GLYATL2: variants seen among roughly 807,000 people sequenced by gnomAD.
GLYATL2 encodes glycine-N-acyltransferase like 2, also known as glycine N-acyltransferase-like protein 2.
Under a neutral mutation model 21.4 loss-of-function variants are expected in GLYATL2, and 25 were observed. That is an observed-to-expected ratio of 1.17 (90% CI 0.85 to 1.63). The LOEUF (loss-of-function observed/expected upper bound fraction) is 1.63, where lower values mean the gene tolerates loss of function less well. GLYATL2 is among the 40% of genes most tolerant of loss of function. GLYATL2 has a pLI of 0.00. For synonymous variants in GLYATL2, 114 were observed against 118.2 expected (o/e 0.96, Z 0.23); for missense variants, 361 against 343.3 (o/e 1.05, Z -0.41).
chr11:58,880,832 A>G (rs1380946800), intron 1 of GLYATL2, among the ~76,000 whole-genome samples: 2 of 152,240 alleles, frequency 1.3e-5, no homozygotes, highest in Non-Finnish European at 2.9e-5. Context: ...TCACCTAGCT[A>G]CAGAACGTAG....
At chr11:58,840,461 T>C (rs916183699) in intron 1 of GLYATL2, among the ~76,000 whole-genome samples, 4 of 152,174 alleles carry the variant, frequency 2.6e-5, no homozygotes, top group Non-Finnish European at 5.9e-5. Context: ...ACTATCAAAA[T>C]GATGTCTTTG....
intron 1 of GLYATL2, among the ~76,000 whole-genome samples, chr11:58,841,469 T>C (rs1853552071): frequency 6.6e-6 from 1 of 152,162 alleles, no homozygotes; most frequent in Non-Finnish European, 1.5e-5. Context: ...TGTGAAGTGT[T>C]TAGCATGGTG....
chr11:58,878,716 T>C (rs1407292065), intron 1 of GLYATL2, among the ~76,000 whole-genome samples: 3 of 152,086 alleles, frequency 2.0e-5, no homozygotes, highest in African/African-American at 4.8e-5. Context: ...AACCTGAGAG[T>C]AAAGCCAGTA....
In GLYATL2 at chr11:58,834,788, C is replaced by G. The variant is rs199566288; in HGVS notation, c.526G>C (p.Val176Leu). The change falls in exon 6 of 6, where the codon GTG becomes CTG. Residue 176 changes from valine to leucine, a missense_variant. Val to Leu is a conservative substitution (Grantham distance 32). Coordinates refer to ENST00000287275, the MANE Select transcript of GLYATL2 (RefSeq NM_145016.4). ...MFLDASHAGLVNEHWAFGKNE... is the reference protein window; with the variant it reads ...MFLDASHAGLLNEHWAFGKNE... The stretch of plus-strand genomic sequence containing the variant: ...TTCCCAAAGGCCCAGTGTTCATTCA[C>G]AAGACCTGCATGTGAAGCATCTAAG... The G allele has an allele frequency of 3.2e-4, 512 of 1,612,636 alleles. 1 individual carries two copies. The African/African-American group carries it at 5.2e-3, about 17-fold the overall frequency.
rs370069554 is a variant in GLYATL2, at chr11:58,857,667, GCT to G, written n.61-19301_61-19300del. Among the ~76,000 whole-genome samples the G allele has an allele frequency of 1.7e-3, 253 of 152,146 alleles. 4 individuals are homozygous for G. Among genetic ancestry groups the G allele is most frequent in the African/African-American group, 5.8e-3 (240 of 41,518 alleles). On this transcript the variant is annotated intron_variant and non_coding_transcript_variant, in intron 1 of 4. Transcript: ENST00000533636. ...TCCAAAACAGCAATAAGGCCATTTT[GCT>G]CTTTCATCATTCATGTTGTCACTGG...
chr11:58,866,924 G>T (rs982136615), intron 1 of GLYATL2, among the ~76,000 whole-genome samples: 9 of 149,340 alleles, frequency 6.0e-5, no homozygotes, highest in Admixed American at 1.4e-4. Flanking sequence ...AGGTGCCAAT[G>T]GCTATCAGAT....
intron 1 of GLYATL2, among the ~76,000 whole-genome samples, chr11:58,877,341 G>A (rs761731939): frequency 2.0e-5 from 3 of 152,348 alleles, no homozygotes; most frequent in Admixed American, 6.5e-5. Context: ...TGGAAATGCA[G>A]AAATCATCCA....
At chr11:58,848,898 G>T (rs530498204), upstream of GLYATL2, among the ~76,000 whole-genome samples, 4 of 151,992 alleles carry the variant, frequency 2.6e-5, no homozygotes, top group African/African-American at 9.7e-5. Flanking sequence ...CTATCTCAAG[G>T]CATTTAAAAT....
Position 58,868,992 on chromosome 11 carries a change from T to A in GLYATL2, n.61-30624A>T, listed in dbSNP as rs542058054. On this transcript the variant is annotated intron_variant and non_coding_transcript_variant, in intron 1 of 4. Transcript: ENST00000533636. ...TTGGGGAGTTGTTCGTCATTTTGTG[T>A]GTGTCCAGGCAAGTGAGTGTCTTTT... Among the ~76,000 whole-genome samples the A allele has an allele frequency of 2.3e-5, 3 of 131,262 alleles. No individual in the cohort carries two copies. In the South Asian group the frequency reaches 7.3e-4, roughly 32 times the overall value. The allele number at this position is 131,262 out of a possible 152,430, so 86.1% of individuals were successfully genotyped here.
intron 1 of GLYATL2, among the ~76,000 whole-genome samples, chr11:58,884,061 T>C (rs623756): frequency 0.95 from 144,870 of 152,204 alleles, 69,360 homozygotes; most frequent in East Asian, 1. Flanking sequence ...ATTGATGGGA[T>C]GAATCTCAAA....
At chr11:58,859,380 AAG>A (rs1853891479) in intron 1 of GLYATL2, among the ~76,000 whole-genome samples, 1 of 152,028 alleles carries the variant, frequency 6.6e-6, no homozygotes, top group South Asian at 2.1e-4. Context: ...TAGAGTTTTT[AAG>A]ATTATTATAA....
rs201965758 is a variant in GLYATL2 at position 58,837,087 on chromosome 11, G to A, written c.404C>T (p.Pro135Leu). 3.2e-5 allele frequency: 51 copies of A among 1,613,560 alleles called. No individual in the cohort carries two copies. Among genetic ancestry groups the A allele is most frequent in the Admixed American group, 2.2e-4 (13 of 59,990 alleles). Residue 135 changes from proline (P) to leucine (L), a missense_variant, in exon 5 of 6, where the codon CCG (proline) becomes CTG (leucine). Physicochemically the swap from Pro to Leu is moderately conservative, Grantham distance 98. Transcript: ENST00000287275. ...VDYMKTILFI[P>L]ELPKKHKTSS... ...GGTCTTGTGTTTCTTTGGTAATTCC[G>A]GTATAAAGAGGATGGTTTTCATGTA...
At position 58,889,434 on chromosome 11, in the gene GLYATL2, A is replaced by G. The variant is rs80211659; in HGVS notation, n.60+14722T>C. Among the ~76,000 whole-genome samples the G allele has an allele frequency of 9.2e-3, 1,406 of 152,158 alleles. 8 individuals carry two copies. Among genetic ancestry groups the G allele is most frequent in the Non-Finnish European group, 0.016 (1,053 of 67,902 alleles). On this transcript the variant is annotated intron_variant and non_coding_transcript_variant, in intron 1 of 4. Coordinates refer to the GLYATL2 transcript ENST00000533636. ...ACAACCTAAGAAAACAATATCAACT[A>G]ACAAAAATAATAGTTCTATTCTTGT...
chr11:58,859,848 T>C (rs937975770), intron 1 of GLYATL2, among the ~76,000 whole-genome samples: 1 of 152,192 alleles, frequency 6.6e-6, no homozygotes, highest in African/African-American at 2.4e-5. Context: ...TATGCAGTTT[T>C]TTCAACAGCA....
At chr11:58,853,095 C>A (rs1384942057) in intron 1 of GLYATL2, among the ~76,000 whole-genome samples, 2 of 152,176 alleles carry the variant, frequency 1.3e-5, no homozygotes, top group Admixed American at 6.6e-5. Flanking sequence ...ATTTAATCAC[C>A]TGTGTGACTT....
At chr11:58,871,881 C>T (rs1481820182) in intron 1 of GLYATL2, among the ~76,000 whole-genome samples, 1 of 152,208 alleles carries the variant, frequency 6.6e-6, no homozygotes, top group Non-Finnish European at 1.5e-5. Flanking sequence ...AATGGTTGAA[C>T]TAGTTGACAG....
At position 58,866,239 on chromosome 11, in the gene GLYATL2, C is replaced by T. The variant is rs935549533; in HGVS notation, n.61-27871G>A. Among the ~76,000 whole-genome samples, 5 of 148,202 alleles carry T rather than the reference C, an allele frequency of 3.4e-5. 1 individual carries two copies. In the East Asian group the frequency reaches 1.1e-3, roughly 33 times the overall value. On this transcript the variant is annotated intron_variant and non_coding_transcript_variant, in intron 1 of 4. Transcript: ENST00000533636. ...TCAACAGAGTCAGATTGTTATTTAT[C>T]TCAAACTCCAGAAACTCTCATTCTT...
upstream of GLYATL2, chr11:58,908,481 G>T: frequency 4.9e-6 from 1 of 205,704 alleles, no homozygotes; most frequent in South Asian, 9.9e-5. Flanking sequence ...ATTCCATGAA[G>T]ACTGAAGGGA....
chr11:58,872,033 A>C lies in GLYATL2; in HGVS notation n.60+32123T>G, dbSNP rs562454571. On this transcript the variant is annotated intron_variant and non_coding_transcript_variant, in intron 1 of 4. Transcript: ENST00000533636. ...TTTGATTTGCATTTCTCTGATGGCC[A>C]GTGATGATGAGCATTTTTTCATGTG... is the stretch of plus-strand genomic sequence containing the variant. Among the ~76,000 whole-genome samples, 4 of 152,334 alleles carry C rather than the reference A, an allele frequency of 2.6e-5. No individual in the cohort carries two copies. The South Asian group carries it at 8.3e-4, about 32-fold the overall frequency.
Sources: allele counts gnomAD v4.1 joint callset (sites outside exome capture counted in the v4.1 genomes callset), GRCh38; gene constraint gnomAD v4.1.1; transcripts MANE v1.5; gene names NCBI Gene and HGNC (gene_info 2026-07-23, HGNC 2026-07-21).